The following ARHGAP42 variants were observed in gnomAD, a reference collection of about 807,000 sequenced individuals.
ARHGAP42 encodes the protein Rho GTPase activating protein 42, also known as rho GTPase-activating protein 42.
ARHGAP42 carries 63 observed loss-of-function variants against 125.0 expected under a neutral mutation model. That is an observed-to-expected ratio of 0.50 (90% CI 0.41 to 0.62). The LOEUF is 0.62. ARHGAP42 is among the 20% of genes least tolerant of loss of function. ARHGAP42 has a pLI of 0.00. For missense variants in ARHGAP42, 766 were observed against 1,024.2 expected (o/e 0.75, Z 3.44); for synonymous variants, 339 against 351.0 (o/e 0.97, Z 0.38).
At position 100,973,163 on chromosome 11, in the gene ARHGAP42, T is replaced by G; in HGVS notation, c.1551-12T>G. The G allele has an allele frequency of 5.3e-6, 8 of 1,498,054 alleles. No homozygotes were observed. The highest frequency in any genetic ancestry group is 1.4e-5 in the African/African-American group (1 of 70,908). The allele number at this position is 1,498,054 out of a possible 1,614,324, so 92.8% of individuals were successfully genotyped here. A position where few individuals can be genotyped will look rare whatever the true frequency, so the allele number is the denominator to read the frequency against. Reference sequence around the variant, plus strand: ...TATAACTTAAGATATTTTTGTTGCTTTTTATTTGCAGAGTATCACTACACA... The same window carrying G: ...TATAACTTAAGATATTTTTGTTGCTGTTTATTTGCAGAGTATCACTACACA... On this transcript the variant is annotated splice_polypyrimidine_tract_variant and intron_variant, in intron 17 of 23. Transcript: ENST00000298815.
At position 100,947,686 on chromosome 11, in the gene ARHGAP42, G is replaced by A. The variant is rs562167410; in HGVS notation, c.1044-771G>A. On this transcript the variant is annotated intron_variant, in intron 10 of 23. Transcript: ENST00000298815. ...CTCATGATCTGTGTTCTTGTTTGCA[G>A]AAGAGATGTATGTTATTATTTGTCA... is the stretch of plus-strand genomic sequence containing the variant. 2.6e-5 allele frequency among the ~76,000 whole-genome samples: 4 copies of A among 151,946 alleles called. No individual in the cohort carries two copies. The East Asian group carries it at 7.7e-4, about 29-fold the overall frequency.
intron 3 of ARHGAP42, among the ~76,000 whole-genome samples, chr11:100,803,554 C>T (rs1045365742): frequency 6.6e-6 from 1 of 152,178 alleles, no homozygotes; most frequent in Non-Finnish European, 1.5e-5. Context: ...TTTTGGATGG[C>T]TTGGTCAAAG....
chr11:100,824,449 A>G (rs546865300), intron 3 of ARHGAP42, among the ~76,000 whole-genome samples: 1 of 152,274 alleles, frequency 6.6e-6, no homozygotes, highest in African/African-American at 2.4e-5. Flanking sequence ...AAAGAACAGA[A>G]AGTCATTAAA....
intron 4 of ARHGAP42, among the ~76,000 whole-genome samples, chr11:100,865,061 A>G (rs777527291): frequency 3.3e-5 from 5 of 152,226 alleles, no homozygotes; most frequent in Non-Finnish European, 5.9e-5. Context: ...TGTGGTATGT[A>G]TATAGAAATC....
intron 2 of ARHGAP42, among the ~76,000 whole-genome samples, chr11:100,779,576 A>ATATATACG (rs1314170563): frequency 6.9e-5 from 10 of 145,798 alleles, no homozygotes; most frequent in African/African-American, 1.7e-4. Context: ...ATATACGTAT[A>ATATATACG]TATACATATA....
chr11:100,913,604 C>T (rs201657168), intron 5 of ARHGAP42, 51 bp downstream of exon 5: 2 of 972,140 alleles, frequency 2.1e-6, no homozygotes, highest in Non-Finnish European at 2.8e-6. Flanking sequence ...CATATAAAGT[C>T]AAAATTTCCA....
chr11:100,734,838 G>A (rs1862032496), intron 1 of ARHGAP42, among the ~76,000 whole-genome samples: 1 of 152,188 alleles, frequency 6.6e-6, no homozygotes, highest in Non-Finnish European at 1.5e-5. Flanking sequence ...TCAGGTTTCT[G>A]AGAGTGGGAC....
rs913047040 is a variant in ARHGAP42, at chr11:100,990,669, A to C, written c.*1868A>C. 7 of 152,634 alleles carry C rather than the reference A, an allele frequency of 4.6e-5. No individual in the cohort carries two copies. Among genetic ancestry groups the C allele is most frequent in the Non-Finnish European group, 1.0e-4 (7 of 68,060 alleles). 9.5% of individuals were successfully genotyped at this position (152,634 alleles called of 1,614,324 possible). On this transcript the variant is annotated 3_prime_UTR_variant, in exon 24 of 24. Transcript: ENST00000298815. ...CGAGGTCCTTGGTGACCTTAGTAGT[A>C]ATAACAGCATTGCTGACACCCTAAT...
intron 1 of ARHGAP42, among the ~76,000 whole-genome samples, chr11:100,722,310 G>A (rs1712225955): frequency 6.6e-6 from 1 of 151,444 alleles, no homozygotes; most frequent in African/African-American, 2.4e-5. Context: ...TCTTATTCTT[G>A]AATGTTACTA....
Position 100,751,457 on chromosome 11 carries a change from C to T in ARHGAP42, c.155-18886C>T, listed in dbSNP as rs1253824902. Among the ~76,000 whole-genome samples, 30 of 150,010 alleles carry T rather than the reference C, an allele frequency of 2.0e-4. No homozygotes were observed. In the East Asian group the frequency reaches 5.9e-3, roughly 29 times the overall value. The stretch of plus-strand genomic sequence containing the variant: ...CACTACCATACCCAGCTAATTTATA[C>T]TTTTTTATTTTTTTTTTTCTGCAGT... On this transcript the variant is annotated intron_variant, in intron 1 of 23. Transcript: ENST00000298815.
Position 100,992,306 on chromosome 11 carries a change from A to G in ARHGAP42, c.*3505A>G. 1 of 1,582,820 alleles carries G rather than the reference A, an allele frequency of 6.3e-7. No individual in the cohort carries two copies. The highest frequency in any genetic ancestry group is 1.2e-5 in the South Asian group (1 of 85,028). ...GATACATTTGTAACTCACAGCTGTT[A>G]GCATGACCTCACATCACTGCGTAGG... is the stretch of plus-strand genomic sequence containing the variant. On this transcript the variant is annotated 3_prime_UTR_variant, in exon 24 of 24. Coordinates refer to ENST00000298815, the MANE Select transcript of ARHGAP42 (RefSeq NM_152432.4).
chr11:100,786,514 C>T (rs541982140), intron 2 of ARHGAP42, among the ~76,000 whole-genome samples: 1 of 152,236 alleles, frequency 6.6e-6, no homozygotes, highest in African/African-American at 2.4e-5. Context: ...AATATATACA[C>T]TTACCATATA....
At chr11:100,883,882 C>G (rs1200293040) in intron 4 of ARHGAP42, among the ~76,000 whole-genome samples, 1 of 152,110 alleles carries the variant, frequency 6.6e-6, no homozygotes, top group African/African-American at 2.4e-5. Context: ...ATGTGGTTCT[C>G]AGACTGTAGT....
chr11:100,820,577 A>C (rs1162073255), intron 3 of ARHGAP42, among the ~76,000 whole-genome samples: 1 of 152,178 alleles, frequency 6.6e-6, no homozygotes, highest in Non-Finnish European at 1.5e-5. Context: ...TATAGCTAAT[A>C]GATCAGTTTA....
chr11:100,794,112 A>AAAAAAAAAAAAAAAAG (rs1863647687), intron 2 of ARHGAP42, among the ~76,000 whole-genome samples: 1 of 113,202 alleles, frequency 8.8e-6, no homozygotes, highest in African/African-American at 3.2e-5. Context: ...AAAAAAAAAA[A>AAAAAAAAAAAAAAAAG]GACATAGAAG....
In ARHGAP42 at chr11:100,727,086, G is replaced by A. The variant is rs541110507; in HGVS notation, c.154+39254G>A. ...GCTGTCATGTGTTTGAAGAGCCATA[G>A]ATGAAAGAAATGAAGGCTATGAAGA... On this transcript the variant is annotated intron_variant, in intron 1 of 23. Coordinates refer to ENST00000298815, the MANE Select transcript of ARHGAP42 (RefSeq NM_152432.4). Among the ~76,000 whole-genome samples, 7 of 152,330 alleles carry A rather than the reference G, an allele frequency of 4.6e-5. No homozygotes were observed. The East Asian group carries it at 1.3e-3, about 29-fold the overall frequency.
chr11:100,889,064 C>T (rs1448370414), intron 4 of ARHGAP42, among the ~76,000 whole-genome samples: 1 of 152,120 alleles, frequency 6.6e-6, no homozygotes, highest in East Asian at 1.9e-4. Context: ...ACTTAACATC[C>T]TTGGAACATA....
In ARHGAP42 at chr11:100,873,693, T is replaced by C. The variant is rs974881783; in HGVS notation, c.384+14068T>C. On this transcript the variant is annotated intron_variant, in intron 4 of 23. Transcript: ENST00000298815. Reference sequence around the variant, plus strand: ...TAGATGACTCACATATATTTACTTATTTAATCTTTACAACAAATCCATGAG... The same window carrying C: ...TAGATGACTCACATATATTTACTTACTTAATCTTTACAACAAATCCATGAG... Among the ~76,000 whole-genome samples the C allele has an allele frequency of 3.9e-5, 6 of 152,352 alleles. No individual in the cohort carries two copies. The East Asian group carries it at 9.6e-4, about 24-fold the overall frequency.
chr11:100,832,765 G>T (rs1238325000), intron 3 of ARHGAP42, among the ~76,000 whole-genome samples: 1 of 152,158 alleles, frequency 6.6e-6, no homozygotes, highest in Non-Finnish European at 1.5e-5. Context: ...ACCAGATGTG[G>T]CACCCTCTTG....
Sources: allele counts gnomAD v4.1 joint callset (sites outside exome capture counted in the v4.1 genomes callset), GRCh38; gene constraint gnomAD v4.1.1; transcripts MANE v1.5; gene names NCBI Gene and HGNC (gene_info 2026-07-23, HGNC 2026-07-21).